PTPRA: variants seen among roughly 807,000 people sequenced by gnomAD.
PTPRA encodes the protein receptor-type tyrosine-protein phosphatase alpha.
In PTPRA, 25 loss-of-function variants were observed where a neutral mutation model predicts 104.8. The observed-to-expected ratio is 0.24, with a 90% CI of 0.17 to 0.33. The LOEUF (loss-of-function observed/expected upper bound fraction) is 0.33, where lower values mean the gene tolerates loss of function less well. Ranked by LOEUF, PTPRA falls within the 10% of genes least tolerant of loss-of-function variation. The probability of loss-of-function intolerance (pLI) is 1.00; values close to 1 mark genes in which losing one functional copy is unlikely to be tolerated. For synonymous variants in PTPRA, 323 were observed against 368.9 expected (o/e 0.88, Z 1.43); for missense variants, 765 against 1,015.3 (o/e 0.75, Z 3.35).
chr20:2,989,116 T>C (rs143071769), intron 9 of PTPRA, among the ~76,000 whole-genome samples: 1 of 152,326 alleles, frequency 6.6e-6, no homozygotes, highest in African/African-American at 2.4e-5. Flanking sequence ...TTGGTGATCC[T>C]AGCCTACCAG....
chr20:2,995,551 C>G (rs769977743), intron 9 of PTPRA, among the ~76,000 whole-genome samples: 9 of 152,156 alleles, frequency 5.9e-5, no homozygotes, highest in Non-Finnish European at 1.3e-4. Flanking sequence ...CAGTAGAGAG[C>G]ATAATAGAGA....
chr20:2,990,358 C>T (rs2063116791), intron 9 of PTPRA, among the ~76,000 whole-genome samples: 1 of 152,174 alleles, frequency 6.6e-6, no homozygotes. Context: ...CATGCTCCTT[C>T]TTAAACCGGT....
chr20:2,878,635 C>T (rs1414135999), intron 1 of PTPRA, among the ~76,000 whole-genome samples: 5 of 152,202 alleles, frequency 3.3e-5, no homozygotes. Flanking sequence ...GACTCTTACT[C>T]CCAACCTGGG....
chr20:3,010,017 T>C (rs1292930109), intron 11 of PTPRA, among the ~76,000 whole-genome samples: 2 of 151,786 alleles, frequency 1.3e-5, no homozygotes, highest in Non-Finnish European at 2.9e-5. Flanking sequence ...CCCAGCTAAT[T>C]TTTTGTATTT....
At chr20:2,925,842 A>C (rs1397750238) in intron 2 of PTPRA, among the ~76,000 whole-genome samples, 2 of 152,080 alleles carry the variant, frequency 1.3e-5, no homozygotes, top group African/African-American at 2.4e-5. Context: ...AAAACAAAAA[A>C]AAACACATGG....
the PTPRA span, chr20:2,865,526 C>A: frequency 6.3e-7 from 1 of 1,598,456 alleles, no homozygotes; most frequent in Non-Finnish European, 8.6e-7. This position sits in a 1 kb window ranked among gnomAD's most constrained non-coding sequence, Gnocchi z 5.2. Context: ...CAGCCCACTT[C>A]CAGTGAGGGT....
intron 9 of PTPRA, among the ~76,000 whole-genome samples, chr20:3,002,220 C>CT (rs2063663810): frequency 2.0e-5 from 3 of 151,716 alleles, no homozygotes; most frequent in Non-Finnish European, 4.4e-5. Flanking sequence ...TTTATTCAGT[C>CT]TTTTTTTAAA....
chr20:2,978,383 A>C (rs1296908493), intron 6 of PTPRA, among the ~76,000 whole-genome samples: 1 of 152,202 alleles, frequency 6.6e-6, no homozygotes, highest in Non-Finnish European at 1.5e-5. Flanking sequence ...TTAAAACAAC[A>C]TTACAACCTT....
At chr20:2,866,820 G>A in the PTPRA span, 9 of 519,286 alleles carry the variant, frequency 1.7e-5, no homozygotes, top group South Asian at 3.1e-5. Context: ...CATGTGTTCC[G>A]TTGTGTTGGG....
At chr20:2,940,322 CT>C (rs59001573) in intron 2 of PTPRA, among the ~76,000 whole-genome samples, 446 of 140,844 alleles carry the variant, frequency 3.2e-3, no homozygotes, top group Non-Finnish European at 3.8e-3. Context: ...CTTTTCTTTT[CT>C]TTTTTTTTTT....
chr20:2,944,623 A>G (rs2061055628), intron 2 of PTPRA, among the ~76,000 whole-genome samples: 1 of 152,196 alleles, frequency 6.6e-6, no homozygotes, highest in Non-Finnish European at 1.5e-5. Context: ...AACTCAAATT[A>G]AAGGAATGGA....
At chr20:2,968,370 A>G (rs931404002) in intron 5 of PTPRA, among the ~76,000 whole-genome samples, 3 of 152,060 alleles carry the variant, frequency 2.0e-5, no homozygotes, top group African/African-American at 7.2e-5. Context: ...CTGAAATTTC[A>G]CAGAGATGTA....
At chr20:2,873,465 T>C (rs558675), upstream of PTPRA, 152,194 of 152,214 alleles carry the variant, frequency 1, 76,087 homozygotes, top group Middle Eastern at 1. The surrounding 1 kb of genome is among the most constrained non-coding windows in gnomAD (Gnocchi z 4.4). Flanking sequence ...TGAACACGCG[T>C]CTTACAGCCA....
chr20:2,875,022 C>G (rs2089622267), intron 1 of PTPRA, among the ~76,000 whole-genome samples: 1 of 152,176 alleles, frequency 6.6e-6, no homozygotes, highest in Non-Finnish European at 1.5e-5. Flanking sequence ...AAGCTTCTTG[C>G]GGGCAGGAGC....
chr20:2,909,734 A>T lies in PTPRA; in HGVS notation c.-128-13473A>T, dbSNP rs1246571146. Among the ~76,000 whole-genome samples, 9 of 142,252 alleles carry T rather than the reference A, an allele frequency of 6.3e-5. 1 individual carries two copies. The highest frequency in any genetic ancestry group is 2.3e-4 in the African/African-American group (9 of 38,780). 93.3% of individuals were successfully genotyped at this position (142,252 alleles called of 152,430 possible). On this transcript the variant is annotated intron_variant, in intron 1 of 23. Coordinates refer to ENST00000399903, the MANE Select transcript of PTPRA (RefSeq NM_001385305.1). Reference sequence around the variant, plus strand: ...AATTTTTCCGTTTCACTTATATATAAATTATATATTATATATTACATAATA... The same window carrying T: ...AATTTTTCCGTTTCACTTATATATATATTATATATTATATATTACATAATA...
intron 11 of PTPRA, among the ~76,000 whole-genome samples, chr20:3,012,791 T>C (rs908600378): frequency 1.3e-5 from 2 of 152,248 alleles, no homozygotes; most frequent in African/African-American, 4.8e-5. Context: ...TCAAACCCTT[T>C]TTTTCCCCTA....
chr20:2,898,025 G>C (rs995366888), intron 1 of PTPRA, among the ~76,000 whole-genome samples: 1 of 148,652 alleles, frequency 6.7e-6, no homozygotes, highest in African/African-American at 2.5e-5. Flanking sequence ...CGATCCTCCT[G>C]CCTCAGCCAC....
intron 9 of PTPRA, among the ~76,000 whole-genome samples, chr20:2,992,190 T>C (rs1430025047): frequency 1.3e-5 from 2 of 152,208 alleles, no homozygotes; most frequent in Non-Finnish European, 2.9e-5. Flanking sequence ...CTGCTGGGCA[T>C]GTCCAAATCT....
intron 2 of PTPRA, among the ~76,000 whole-genome samples, chr20:2,934,409 A>G (rs1026279433): frequency 2.6e-5 from 4 of 152,072 alleles, no homozygotes; most frequent in Non-Finnish European, 4.4e-5. Flanking sequence ...ATTTTTTATC[A>G]TATTCCCAAT....
Sources: allele counts gnomAD v4.1 joint callset (sites outside exome capture counted in the v4.1 genomes callset), GRCh38; gene constraint gnomAD v4.1.1; non-coding constraint Gnocchi (gnomAD v3.1); transcripts MANE v1.5; gene names NCBI Gene and HGNC (gene_info 2026-07-23, HGNC 2026-07-21).